The following UST variants were observed in gnomAD, a reference collection of about 807,000 sequenced individuals.
UST encodes the protein chondroitin sulfate 2-O-sulfotransferase.
A neutral mutation model predicts 45.6 loss-of-function variants in UST; 21 were observed. The observed-to-expected ratio is 0.46, with a 90% CI of 0.33 to 0.66. The LOEUF (loss-of-function observed/expected upper bound fraction) is 0.66. Ranked by LOEUF, UST falls within the 30% of genes least tolerant of loss-of-function variation. The pLI, the probability that UST is intolerant of heterozygous loss-of-function variation, is 0.02. For missense variants in UST, 463 were observed against 512.4 expected (o/e 0.90, Z 0.93); for synonymous variants, 215 against 200.6 (o/e 1.07, Z -0.61).
At chr6:148,987,508 A>G (rs539755777) in intron 5 of UST, among the ~76,000 whole-genome samples, 2 of 152,354 alleles carry the variant, frequency 1.3e-5, no homozygotes, top group South Asian at 4.1e-4. Flanking sequence ...TTTCTACTGC[A>G]CATGAGTAAG....
intron 1 of UST, among the ~76,000 whole-genome samples, chr6:148,797,003 A>G (rs924356576): frequency 2.6e-5 from 4 of 151,932 alleles, no homozygotes; most frequent in Admixed American, 2.0e-4. Context: ...GGGTTTCACC[A>G]TCTTGGCTGG....
At chr6:148,767,449 T>C (rs745594298) in intron 1 of UST, among the ~76,000 whole-genome samples, 2 of 152,232 alleles carry the variant, frequency 1.3e-5, no homozygotes, top group Non-Finnish European at 2.9e-5. Flanking sequence ...TAATAAGCAT[T>C]GAGAGCAAAC....
intron 2 of UST, among the ~76,000 whole-genome samples, chr6:148,938,251 T>C (rs569978033): frequency 1.3e-5 from 2 of 152,200 alleles, no homozygotes; most frequent in Non-Finnish European, 2.9e-5. Flanking sequence ...ATTCAGTGTC[T>C]GTTTAGGCTC....
At chr6:149,023,100 T>TGG (rs1232841577) in intron 7 of UST, among the ~76,000 whole-genome samples, 1 of 109,478 alleles carries the variant, frequency 9.1e-6, no homozygotes, top group African/African-American at 3.8e-5. Context: ...TCTTGTTCTA[T>TGG]GGTGTGTGTG....
chr6:148,812,882 AGCCTGGAT>A (rs1777285720), intron 1 of UST, among the ~76,000 whole-genome samples: 5 of 152,192 alleles, frequency 3.3e-5, no homozygotes, highest in Admixed American at 3.3e-4. Context: ...GTCGTCTTCG[AGCCTGGAT>A]ACTACACATT....
At chr6:148,817,260 A>C (rs1777374961) in intron 1 of UST, among the ~76,000 whole-genome samples, 2 of 152,264 alleles carry the variant, frequency 1.3e-5, no homozygotes, top group African/African-American at 4.8e-5. Flanking sequence ...CTGTGGGCCA[A>C]ATCTAGCCCT....
At chr6:148,838,163 C>T (rs1223002634) in intron 1 of UST, among the ~76,000 whole-genome samples, 1 of 152,172 alleles carries the variant, frequency 6.6e-6, no homozygotes, top group East Asian at 1.9e-4. Flanking sequence ...CCAGGTCAGG[C>T]CACTCTCAGG....
intron 5 of UST, among the ~76,000 whole-genome samples, chr6:148,978,534 A>T (rs1201589550): frequency 2.0e-5 from 3 of 152,176 alleles, no homozygotes; most frequent in Non-Finnish European, 4.4e-5. Context: ...GACATGGATG[A>T]AGCTGGAAAC....
intron 1 of UST, among the ~76,000 whole-genome samples, chr6:148,855,640 G>A (rs1172256859): frequency 6.6e-6 from 1 of 152,194 alleles, no homozygotes; most frequent in Non-Finnish European, 1.5e-5. Flanking sequence ...AAGTGGTTTT[G>A]GCAGAAGGCA....
chr6:149,000,491 A>T (rs1781526679), intron 5 of UST, among the ~76,000 whole-genome samples: 1 of 152,194 alleles, frequency 6.6e-6, no homozygotes, highest in South Asian at 2.1e-4. Flanking sequence ...CAGCAGAGAG[A>T]GGAAGAAGAC....
chr6:148,783,413 C>A (rs1298285690), intron 1 of UST, among the ~76,000 whole-genome samples: 3 of 152,186 alleles, frequency 2.0e-5, no homozygotes, highest in Admixed American at 6.5e-5. Flanking sequence ...CCAGATAAGT[C>A]ATATTCTCAT....
At chr6:148,829,757 CTTCT>C (rs1314118119) in intron 1 of UST, among the ~76,000 whole-genome samples, 2 of 152,164 alleles carry the variant, frequency 1.3e-5, no homozygotes, top group East Asian at 3.8e-4. Flanking sequence ...TTGTAGTCCT[CTTCT>C]TTCTAATAGT....
chr6:148,916,719 C>A (rs1437044265), intron 2 of UST, among the ~76,000 whole-genome samples: 1 of 152,238 alleles, frequency 6.6e-6, no homozygotes, highest in Non-Finnish European at 1.5e-5. Context: ...ACCCTGCCCC[C>A]ACATAGCCCC....
intron 1 of UST, among the ~76,000 whole-genome samples, chr6:148,865,108 AT>A (rs1778400142): frequency 6.6e-6 from 1 of 152,220 alleles, no homozygotes; most frequent in South Asian, 2.1e-4. Context: ...TGCAGGTGGC[AT>A]TTGGATGAAA....
At chr6:148,904,221 G>A (rs533831912) in intron 2 of UST, among the ~76,000 whole-genome samples, 36 of 152,268 alleles carry the variant, frequency 2.4e-4, no homozygotes, top group African/African-American at 8.2e-4. Flanking sequence ...AAGACAAATT[G>A]AAGGACATCT....
At chr6:149,073,049 G>T (rs890278970) in intron 7 of UST, among the ~76,000 whole-genome samples, 6 of 152,098 alleles carry the variant, frequency 3.9e-5, no homozygotes, top group Admixed American at 3.3e-4. Flanking sequence ...ATTCAGCAAT[G>T]AATATAAAAT....
At chr6:148,955,811 A>G (rs1330201232) in intron 4 of UST, 2 of 152,234 alleles carry the variant, frequency 1.3e-5, no homozygotes, top group African/African-American at 4.8e-5. Context: ...AATCTTTACA[A>G]CCAAACAGAT....
intron 1 of UST, among the ~76,000 whole-genome samples, chr6:148,858,412 T>G (rs1366543189): frequency 6.6e-6 from 1 of 151,800 alleles, no homozygotes; most frequent in East Asian, 1.9e-4. Flanking sequence ...CCCACCCAGA[T>G]AGAGGGTGGG....
chr6:148,830,800 G>C (rs935263007), intron 1 of UST, among the ~76,000 whole-genome samples: 9 of 148,284 alleles, frequency 6.1e-5, no homozygotes, highest in African/African-American at 1.8e-4. Flanking sequence ...CCAGAGACAG[G>C]GGGGAGGAGG....
Sources: gnomAD v4.1 joint callset for allele counts (sites outside exome capture counted in the v4.1 genomes callset) on GRCh38, gnomAD v4.1.1 for gene constraint, MANE v1.5 for transcripts, NCBI Gene and HGNC (gene_info 2026-07-23, HGNC 2026-07-21) for gene names.